AGBL3: variants seen among roughly 807,000 people sequenced by gnomAD.
The protein encoded by AGBL3 is AGBL carboxypeptidase 3, also known as cytosolic carboxypeptidase 3.
In AGBL3, 68 loss-of-function variants were observed where a neutral mutation model predicts 94.5. The ratio of observed to expected loss-of-function variants is 0.72; its 90% CI spans 0.59 to 0.88. The LOEUF is 0.88. AGBL3 is among the 40% of genes least tolerant of loss of function. The pLI, the probability that AGBL3 is intolerant of heterozygous loss-of-function variation, is 0.00. For missense variants in AGBL3, 934 were observed against 1,103.8 expected, an observed-to-expected ratio of 0.85 and a Z score of 2.18; for synonymous variants, 354 against 370.7, an observed-to-expected ratio of 0.95 and a Z score of 0.52.
Position 135,115,134 on chromosome 7 carries a change from TA to T in AGBL3, c.2111-241del, listed in dbSNP as rs1193091716. On this transcript the variant is annotated intron_variant, in intron 15 of 16. Coordinates refer to ENST00000436302, the MANE Select transcript of AGBL3 (RefSeq NM_178563.4). Reference sequence around the variant, plus strand: ...AGGAGGCTTTTTCTTAACACCTTTTTAAAAATGGAAATCAACCCCTCAAGAA... The same window carrying T: ...AGGAGGCTTTTTCTTAACACCTTTTTAAAATGGAAATCAACCCCTCAAGAA... Among the ~76,000 whole-genome samples the T allele has an allele frequency of 2.0e-5, 3 of 152,314 alleles. No homozygotes were observed. In the East Asian group the frequency reaches 5.8e-4, roughly 29 times the overall value.
At chr7:135,127,920 C>A (rs1311887870) in intron 16 of AGBL3, among the ~76,000 whole-genome samples, 1 of 152,106 alleles carries the variant, frequency 6.6e-6, no homozygotes, top group East Asian at 1.9e-4. Flanking sequence ...GACATGGAAC[C>A]AACCCAAATA....
Position 135,023,901 on chromosome 7 carries a change from C to T in AGBL3, c.418+6742C>T, listed in dbSNP as rs149580536. Among the ~76,000 whole-genome samples, 89 of 152,358 alleles carry T rather than the reference C, an allele frequency of 5.8e-4. 1 individual carries two copies. The East Asian group carries it at 0.017, about 29-fold the overall frequency. Reference sequence around the variant, plus strand: ...TGGCCTAGGAGCACTTCACATCCCCCAGCACACCCAGTGCTCAACCCCAAG... The same window carrying T: ...TGGCCTAGGAGCACTTCACATCCCCTAGCACACCCAGTGCTCAACCCCAAG... On this transcript the variant is annotated intron_variant, in intron 5 of 16. Transcript: ENST00000436302.
chr7:135,052,420 T>C (rs1034575280), intron 11 of AGBL3, among the ~76,000 whole-genome samples: 3 of 152,196 alleles, frequency 2.0e-5, no homozygotes, highest in Admixed American at 6.6e-5. Context: ...CTTTTTCCAA[T>C]TAGCACTTTT....
At chr7:135,003,794 C>A (rs1028894253) in intron 4 of AGBL3, among the ~76,000 whole-genome samples, 18 of 151,226 alleles carry the variant, frequency 1.2e-4, no homozygotes, top group Non-Finnish European at 2.7e-4. Flanking sequence ...TGTTTACATA[C>A]AGGAAAGTTA....
At chr7:134,993,772 C>T (rs2252826) in intron 4 of AGBL3, 94 bp downstream of exon 4, 775,171 of 1,058,258 alleles carry the variant, frequency 0.73, 285,324 homozygotes, top group African/African-American at 0.89. Context: ...TAGAAAACAG[C>T]ACATTCCAAC....
At chr7:135,086,606 GATGTATCACATTTATTA>G (rs1341739128) in intron 15 of AGBL3, among the ~76,000 whole-genome samples, 8 of 151,958 alleles carry the variant, frequency 5.3e-5, no homozygotes, top group East Asian at 3.9e-4. Context: ...CTGTTGATGT[GATGTATCACATTTATTA>G]ATGTATCACA....
At chr7:135,011,294 G>T (rs181436474) in intron 4 of AGBL3, 2 of 152,076 alleles carry the variant, frequency 1.3e-5, no homozygotes, top group African/African-American at 4.8e-5. Flanking sequence ...ATATAAAAAT[G>T]AAAGGTAAAA....
rs139125683 is a variant in AGBL3, at chr7:135,032,190, G to A, written c.419-654G>A. On this transcript the variant is annotated intron_variant, in intron 5 of 16. Transcript: ENST00000436302. ...GTTGTTCTATTTGTTGTCCAAATGC[G>A]TGAAAACAGCTCATACCCTTTAGCC... Among the ~76,000 whole-genome samples the A allele has an allele frequency of 2.3e-3, 347 of 152,240 alleles. 1 individual carries two copies. The highest frequency in any genetic ancestry group is 7.6e-3 in the African/African-American group (316 of 41,538).
At chr7:135,016,940 A>G (rs1584843237) in intron 4 of AGBL3, 112 bp from the exon 5 acceptor site, 2 of 726,428 alleles carry the variant, frequency 2.8e-6, no homozygotes, top group East Asian at 2.8e-5. Flanking sequence ...ACCCCACACA[A>G]AACACTACAT....
intron 5 of AGBL3, among the ~76,000 whole-genome samples, chr7:135,022,612 C>G (rs188868352): frequency 2.3e-3 from 342 of 151,892 alleles, no homozygotes; most frequent in African/African-American, 7.6e-3. Context: ...CTGTAGGTTG[C>G]CTGTTTGCTC....
At position 135,135,039 on chromosome 7, in the gene AGBL3, A is replaced by G; in HGVS notation, c.2541A>G (p.Ile847Met). ...ATAAACATTCTCAAATCTGGGCCAT[A>G]AAGAATGAAGACATAAAACCTCTCA... ...KKNKHSQIWA[I>M]KNEDIKPLSS... The change falls in exon 17 of 17, where the codon ATA (isoleucine) becomes ATG (methionine). Residue 847 changes from isoleucine to methionine, a missense_variant. Physicochemically the swap from Ile to Met is conservative, Grantham distance 10 (BLOSUM62 1). This residue lies in a region of AGBL3 where 441 missense variants were observed against 518.2 expected (regional missense o/e 0.85). Coordinates refer to ENST00000436302, the MANE Select transcript of AGBL3 (RefSeq NM_178563.4). 2 of 1,551,246 alleles carry G rather than the reference A, an allele frequency of 1.3e-6. No individual in the cohort carries two copies. Among genetic ancestry groups the G allele is most frequent in the Non-Finnish European group, 8.7e-7 (1 of 1,146,662 alleles).
At chr7:135,015,149 G>GT (rs1213778866) in intron 4 of AGBL3, among the ~76,000 whole-genome samples, 2 of 152,154 alleles carry the variant, frequency 1.3e-5, no homozygotes, top group African/African-American at 4.8e-5. Context: ...CCATGTTGAT[G>GT]TTTAAGTCCA....
At chr7:135,013,716 G>A (rs1213081562) in intron 4 of AGBL3, among the ~76,000 whole-genome samples, 1 of 151,842 alleles carries the variant, frequency 6.6e-6, no homozygotes, top group Non-Finnish European at 1.5e-5. Flanking sequence ...GCCTTAGGAT[G>A]AGGATGACAA....
At position 135,032,869 on chromosome 7, in the gene AGBL3, T is replaced by TTCCCGAGTTGGGGGTAACCGAACACC; in HGVS notation, c.446_471dup (p.Leu158ProfsTer10). 1 of 1,550,370 alleles carries TTCCCGAGTTGGGGGTAACCGAACACC rather than the reference T, an allele frequency of 6.5e-7. No individual in the cohort carries two copies. The highest frequency in any genetic ancestry group is 8.7e-7 in the Non-Finnish European group (1 of 1,146,514). On this transcript the variant is annotated frameshift_variant, in exon 6 of 17. Transcript: ENST00000436302. LOFTEE classifies it high-confidence loss of function. ...CTTACAAAGAGCCCTGTTTTGTGTATTCCCGAGTTGGGGGTAACCGAACAC... is the reference window on the plus strand; with the variant it reads ...CTTACAAAGAGCCCTGTTTTGTGTATTCCCGAGTTGGGGGTAACCGAACACCTCCCGAGTTGGGGGTAACCGAACAC...
chr7:135,113,213 CTTTA>C (rs139633933), intron 15 of AGBL3, among the ~76,000 whole-genome samples: 179 of 152,258 alleles, frequency 1.2e-3, no homozygotes, highest in African/African-American at 4.2e-3. Flanking sequence ...GCAATGTGTG[CTTTA>C]TTTATCTTTT....
intron 5 of AGBL3, among the ~76,000 whole-genome samples, chr7:135,026,197 C>G (rs1384154671): frequency 7.6e-6 from 1 of 130,928 alleles, no homozygotes; most frequent in African/African-American, 2.7e-5. Flanking sequence ...GAAATCACCC[C>G]AAGCACATTC....
At chr7:135,118,017 A>T (rs1035534415) in intron 16 of AGBL3, among the ~76,000 whole-genome samples, 30 of 152,360 alleles carry the variant, frequency 2.0e-4, no homozygotes, top group African/African-American at 6.5e-4. Flanking sequence ...AGAGAAAAGC[A>T]GAGACTGCAG....
At chr7:135,053,802 T>C (rs1006412874) in intron 11 of AGBL3, among the ~76,000 whole-genome samples, 1 of 152,144 alleles carries the variant, frequency 6.6e-6, no homozygotes, top group African/African-American at 2.4e-5. Flanking sequence ...AATAAAAACA[T>C]TTCTAATAAA....
At chr7:135,064,485 C>T (rs897298076) in intron 12 of AGBL3, among the ~76,000 whole-genome samples, 4 of 152,076 alleles carry the variant, frequency 2.6e-5, no homozygotes, top group Non-Finnish European at 4.4e-5. Flanking sequence ...AATGATGACC[C>T]ATAAGGGAGA....
Sources: gnomAD v4.1 joint callset for allele counts (sites outside exome capture counted in the v4.1 genomes callset) on GRCh38, gnomAD v4.1.1 for gene constraint, gnomAD v4.1.1 regional missense constraint, MANE v1.5 for transcripts, NCBI Gene and HGNC (gene_info 2026-07-23, HGNC 2026-07-21) for gene names.